SYNE2: variants seen among roughly 807,000 people sequenced by gnomAD.
The protein encoded by SYNE2 is nesprin-2.
SYNE2 carries 431 observed loss-of-function variants against 856.3 expected under a neutral mutation model. That is an observed-to-expected ratio of 0.50 (90% CI 0.47 to 0.55). The LOEUF (loss-of-function observed/expected upper bound fraction) is 0.55, where lower values mean the gene tolerates loss of function less well. Among genes scored for constraint, SYNE2 ranks in the 20% least tolerant of loss-of-function variants. The pLI is 0.00. For synonymous variants in SYNE2, 2,923 were observed against 2,872.3 expected (o/e 1.02, Z -0.56); for missense variants, 8,129 against 8,023.2 (o/e 1.01, Z -0.50).
chr14:64,193,199 C>T (rs1189937121), intron 99 of SYNE2, among the ~76,000 whole-genome samples: 1 of 152,200 alleles, frequency 6.6e-6, no homozygotes, highest in East Asian at 1.9e-4. Context: ...TAGCCTCTTC[C>T]ATCCTTCCCA....
chr14:63,922,921 T>A (rs1449624797), intron 2 of SYNE2, among the ~76,000 whole-genome samples: 1 of 152,178 alleles, frequency 6.6e-6, no homozygotes, highest in Non-Finnish European at 1.5e-5. Context: ...ACAGCACAGC[T>A]CTGTTTAGTG....
chr14:64,171,520 G>A (rs1004574848), intron 94 of SYNE2, among the ~76,000 whole-genome samples: 11 of 152,158 alleles, frequency 7.2e-5, no homozygotes, highest in African/African-American at 2.7e-4. Flanking sequence ...CTTTAGATTG[G>A]GTTGTCTCTG....
At chr14:64,144,511 A>G (rs998978985) in intron 83 of SYNE2, among the ~76,000 whole-genome samples, 3 of 152,228 alleles carry the variant, frequency 2.0e-5, no homozygotes, top group African/African-American at 7.2e-5. Context: ...ACATGAACAG[A>G]CAATTCACAA....
At chr14:64,125,008 TAAAA>T in intron 70 of SYNE2, 67 bp from the exon 71 acceptor site, 1 of 1,590,944 alleles carries the variant, frequency 6.3e-7, no homozygotes, top group Non-Finnish European at 8.6e-7. Flanking sequence ...ATCTCGAAAA[TAAAA>T]AAATAAATTA....
intron 64 of SYNE2, among the ~76,000 whole-genome samples, chr14:64,105,318 CATTCCAGAT>C (rs2097763911): frequency 6.6e-6 from 1 of 152,178 alleles, no homozygotes; most frequent in Admixed American, 6.5e-5. Context: ...CTTAGCGTGA[CATTCCAGAT>C]TTTCCTGGTC....
chr14:63,942,817 G>T (rs962582541), intron 6 of SYNE2, among the ~76,000 whole-genome samples: 1 of 152,134 alleles, frequency 6.6e-6, no homozygotes, highest in Non-Finnish European at 1.5e-5. Flanking sequence ...ATTTTGTAGA[G>T]ATGGGGTTTC....
intron 98 of SYNE2, among the ~76,000 whole-genome samples, chr14:64,189,204 G>A (rs949677757): frequency 6.6e-6 from 1 of 152,024 alleles, no homozygotes; most frequent in Admixed American, 6.6e-5. Context: ...TGTGGTGGTG[G>A]GCACCTGTAA....
At chr14:63,823,091 G>A (rs578031161) in intron 1 of SYNE2, among the ~76,000 whole-genome samples, 3 of 152,124 alleles carry the variant, frequency 2.0e-5, no homozygotes, top group Non-Finnish European at 4.4e-5. Context: ...GAGGCAGAGC[G>A]AGATCCTGTC....
At chr14:64,083,487 TA>T (rs1382599602) in intron 57 of SYNE2, among the ~76,000 whole-genome samples, 1 of 152,050 alleles carries the variant, frequency 6.6e-6, no homozygotes, top group East Asian at 1.9e-4. Flanking sequence ...TGTAAAAATG[TA>T]AAAGCATCTC....
rs1270217210 is a variant in SYNE2 at position 64,100,530 on chromosome 14, AAATATATATATATATATATATAT to A, written c.12382-1400_12382-1378del. Among the ~76,000 whole-genome samples the A allele has an allele frequency of 1.7e-4, 11 of 63,858 alleles. 1 individual carries two copies. In the East Asian group the frequency reaches 7.3e-3, roughly 42 times the overall value. The allele number at this position is 63,858 out of a possible 152,430, so 41.9% of individuals were successfully genotyped here. On this transcript the variant is annotated intron_variant, in intron 63 of 115. Coordinates refer to ENST00000555002, the MANE Select transcript of SYNE2 (RefSeq NM_182914.3). ...AAACTGTCTCAAAAAAAAAAAAAAA[AAATATATATATATATATATATAT>A]ATATATATATATATATATTTATGAC... is the stretch of plus-strand genomic sequence containing the variant.
At chr14:63,911,597 C>T (rs2095474621) in intron 2 of SYNE2, among the ~76,000 whole-genome samples, 1 of 152,202 alleles carries the variant, frequency 6.6e-6, no homozygotes, top group South Asian at 2.1e-4. Context: ...CAGAGTCCCG[C>T]AGCTAGTGAG....
intron 78 of SYNE2, among the ~76,000 whole-genome samples, chr14:64,135,998 C>T (rs892197084): frequency 2.6e-5 from 4 of 152,064 alleles, no homozygotes; most frequent in African/African-American, 7.2e-5. Flanking sequence ...TGCATACAAT[C>T]GGTGAATTAG....
At chr14:64,188,377 T>C (rs2098502054) in intron 97 of SYNE2, among the ~76,000 whole-genome samples, 173 bp from the exon 98 acceptor site, 1 of 152,172 alleles carries the variant, frequency 6.6e-6, no homozygotes, top group Non-Finnish European at 1.5e-5. Flanking sequence ...TTATCACAGG[T>C]GTAAGGAACT....
upstream of SYNE2, among the ~76,000 whole-genome samples, chr14:63,849,629 A>G (rs141006338): frequency 2.0e-5 from 3 of 152,326 alleles, no homozygotes; most frequent in East Asian, 5.8e-4. Flanking sequence ...ATCTGTTGCC[A>G]TCCTTGTTTA....
intron 1 of SYNE2, among the ~76,000 whole-genome samples, chr14:63,887,577 A>G (rs972397405): frequency 3.3e-5 from 5 of 152,170 alleles, no homozygotes; most frequent in Non-Finnish European, 7.3e-5. Context: ...TGCCAGCCAG[A>G]CTGAAGATTT....
intron 31 of SYNE2, among the ~76,000 whole-genome samples, chr14:64,008,151 C>T (rs2096813908): frequency 6.6e-6 from 1 of 152,226 alleles, no homozygotes; most frequent in Non-Finnish European, 1.5e-5. Flanking sequence ...CTTCAGATCT[C>T]TCTCTGCCCT....
intron 1 of SYNE2, among the ~76,000 whole-genome samples, chr14:63,766,796 G>T (rs539558204): frequency 8.5e-5 from 13 of 152,234 alleles, no homozygotes; most frequent in African/African-American, 2.4e-4. Context: ...GGGAGAGAGG[G>T]ACAAAAGGCC....
At chr14:63,783,552 T>C (rs1479728058) in intron 1 of SYNE2, among the ~76,000 whole-genome samples, 1 of 152,152 alleles carries the variant, frequency 6.6e-6, no homozygotes, top group Non-Finnish European at 1.5e-5. Context: ...GAGACTTCTT[T>C]ATAGCAGTGT....
rs754057512 is a variant in SYNE2 at position 64,048,099 on chromosome 14, A to G, written c.7321A>G (p.Asn2441Asp). ...TGAGCGGAAAGTCAATGAGCTGCAA[A>G]ATCAACCTTTAGAATTAGATACTAT... ...EDERKVNELQ[N>D]QPLELDTMLR... Residue 2441 changes from asparagine to aspartate, a missense_variant, in exon 46 of 116, where the codon AAT becomes GAT. Transcript: ENST00000555002. 1.5e-5 allele frequency: 24 copies of G among 1,613,604 alleles called. 1 individual carries two copies. The highest frequency in any genetic ancestry group is 4.0e-5 in the African/African-American group (3 of 74,934).
Sources: gnomAD v4.1 joint callset for allele counts (sites outside exome capture counted in the v4.1 genomes callset) on GRCh38, gnomAD v4.1.1 for gene constraint, MANE v1.5 for transcripts, NCBI Gene and HGNC (gene_info 2026-07-23, HGNC 2026-07-21) for gene names.